The following NCOA2 variants were observed in gnomAD, a reference collection of about 807,000 sequenced individuals.
The protein encoded by NCOA2 is class E basic helix-loop-helix protein 75.
NCOA2 carries 21 observed loss-of-function variants against 145.1 expected under a neutral mutation model. That is an observed-to-expected ratio of 0.14 (90% confidence interval 0.10 to 0.21). NCOA2 has a LOEUF of 0.21. Ranked by LOEUF, NCOA2 falls within the 10% of genes least tolerant of loss-of-function variation. The probability of loss-of-function intolerance (pLI) is 1.00; values close to 1 mark genes in which losing one functional copy is unlikely to be tolerated. For synonymous variants in NCOA2, 619 were observed against 637.5 expected, an observed-to-expected ratio of 0.97 and a Z score of 0.44; for missense variants, 1,472 against 1,837.6, an observed-to-expected ratio of 0.80 and a Z score of 3.64.
intron 4 of NCOA2, among the ~76,000 whole-genome samples, chr8:70,196,884 A>G (rs1208328264): frequency 1.3e-5 from 2 of 152,208 alleles, no homozygotes; most frequent in African/African-American, 4.8e-5. Context: ...TTTGGGTTCT[A>G]GTTTGTCACT....
At chr8:70,137,130 T>G (rs867679635) in intron 15 of NCOA2, among the ~76,000 whole-genome samples, 1 of 152,278 alleles carries the variant, frequency 6.6e-6, no homozygotes, top group African/African-American at 2.4e-5. Context: ...ACCTCTGCCT[T>G]CCGGGTTCAA....
At chr8:70,272,160 T>C (rs752209243) in intron 2 of NCOA2, among the ~76,000 whole-genome samples, 35 of 152,244 alleles carry the variant, frequency 2.3e-4, no homozygotes, top group Admixed American at 8.5e-4. Flanking sequence ...TGGCAGAAAC[T>C]GTGGGATCCT....
At chr8:70,323,314 C>T (rs1806249625) in intron 1 of NCOA2, among the ~76,000 whole-genome samples, 1 of 152,068 alleles carries the variant, frequency 6.6e-6, no homozygotes, top group South Asian at 2.1e-4. Context: ...TAATGGCTAG[C>T]TAAAGTTGAT....
Position 70,204,197 on chromosome 8 carries a change from G to T in NCOA2, c.259+9706C>A, listed in dbSNP as rs546345390. ...TAATTTTTGTATTTTTAGTAGAGAC[G>T]GGGTTTCACCATGTTGGCCAGGATA... On this transcript the variant is annotated intron_variant, in intron 4 of 22. Transcript: ENST00000452400. Among the ~76,000 whole-genome samples the T allele has an allele frequency of 2.3e-3, 350 of 152,066 alleles. 3 individuals are homozygous for T. The highest frequency in any genetic ancestry group is 8.0e-3 in the African/African-American group (332 of 41,466).
At chr8:70,337,484 T>C (rs1418978979) in intron 1 of NCOA2, among the ~76,000 whole-genome samples, 2 of 152,172 alleles carry the variant, frequency 1.3e-5, no homozygotes, top group African/African-American at 4.8e-5. Flanking sequence ...CTATACATAA[T>C]AGCTGTGGGA....
chr8:70,232,229 C>T (rs1219955662), intron 2 of NCOA2, among the ~76,000 whole-genome samples: 2 of 152,146 alleles, frequency 1.3e-5, no homozygotes, highest in Non-Finnish European at 2.9e-5. Flanking sequence ...AGCCACCTCC[C>T]CACCTGCAGC....
At chr8:70,259,843 A>G (rs1210641641) in intron 2 of NCOA2, among the ~76,000 whole-genome samples, 1 of 152,258 alleles carries the variant, frequency 6.6e-6, no homozygotes, top group African/African-American at 2.4e-5. Flanking sequence ...CGCACATAAA[A>G]GTCTTATAAC....
chr8:70,209,231 T>A (rs1276770198), intron 4 of NCOA2, among the ~76,000 whole-genome samples: 1 of 152,264 alleles, frequency 6.6e-6, no homozygotes, highest in African/African-American at 2.4e-5. Context: ...AAGTCCAAGA[T>A]GTGACTGAAT....
intron 1 of NCOA2, among the ~76,000 whole-genome samples, chr8:70,326,326 T>C (rs1034774744): frequency 6.6e-6 from 1 of 152,102 alleles, no homozygotes; most frequent in Admixed American, 6.6e-5. Context: ...CCCATATACA[T>C]GTGAAAGGAT....
At chr8:70,242,308 T>C (rs1822206310) in intron 2 of NCOA2, among the ~76,000 whole-genome samples, 2 of 152,160 alleles carry the variant, frequency 1.3e-5, no homozygotes, top group Non-Finnish European at 2.9e-5. Flanking sequence ...GTGTTTCTTA[T>C]AAAATCTTTA....
chr8:70,211,738 C>A (rs1819051274), intron 4 of NCOA2, among the ~76,000 whole-genome samples: 1 of 152,140 alleles, frequency 6.6e-6, no homozygotes, highest in African/African-American at 2.4e-5. Flanking sequence ...AATTATTAAA[C>A]AAAGACTATT....
intron 4 of NCOA2, among the ~76,000 whole-genome samples, chr8:70,179,917 T>A (rs1180001704): frequency 2.0e-5 from 3 of 152,146 alleles, no homozygotes; most frequent in African/African-American, 7.2e-5. Flanking sequence ...GCTTTTACCA[T>A]TAAAGTTATT....
intron 2 of NCOA2, among the ~76,000 whole-genome samples, chr8:70,226,175 T>C (rs1820618402): frequency 6.6e-6 from 1 of 152,174 alleles, no homozygotes; most frequent in African/African-American, 2.4e-5. Flanking sequence ...CAATGGGCAT[T>C]ACGGATGTAA....
intron 1 of NCOA2, among the ~76,000 whole-genome samples, chr8:70,357,752 G>A (rs563385126): frequency 1.9e-4 from 29 of 150,374 alleles, no homozygotes; most frequent in Non-Finnish European, 4.0e-4. Flanking sequence ...CAAAAAAAAA[G>A]CGCGGTGGGG....
chr8:70,400,244 C>T (rs190160834), intron 1 of NCOA2, among the ~76,000 whole-genome samples: 32 of 152,310 alleles, frequency 2.1e-4, no homozygotes, highest in Admixed American at 5.2e-4. Flanking sequence ...CTTCAGTATA[C>T]TGACATCTAA....
chr8:70,209,087 A>G (rs1818758615), intron 4 of NCOA2, among the ~76,000 whole-genome samples: 1 of 152,242 alleles, frequency 6.6e-6, no homozygotes, highest in Admixed American at 6.5e-5. Flanking sequence ...GAGGAGGTCA[A>G]AATATCAACA....
intron 2 of NCOA2, among the ~76,000 whole-genome samples, chr8:70,288,757 AGATAC>A (rs1156782802): frequency 6.6e-6 from 1 of 152,234 alleles, no homozygotes; most frequent in African/African-American, 2.4e-5. Context: ...TATTTCCAAA[AGATAC>A]TTTAAAGAGG....
chr8:70,304,329 C>T (rs1023722139), intron 1 of NCOA2, among the ~76,000 whole-genome samples: 2 of 152,198 alleles, frequency 1.3e-5, no homozygotes, highest in African/African-American at 4.8e-5. Flanking sequence ...ACATGCTACA[C>T]AGGTTTGTAG....
chr8:70,300,374 C>T (rs1827395799), intron 1 of NCOA2, among the ~76,000 whole-genome samples: 1 of 152,182 alleles, frequency 6.6e-6, no homozygotes, highest in Admixed American at 6.5e-5. Context: ...TTCACAAATG[C>T]ACCTGTGTGT....
Sources: allele counts gnomAD v4.1 joint callset (sites outside exome capture counted in the v4.1 genomes callset), GRCh38; gene constraint gnomAD v4.1.1; transcripts MANE v1.5; gene names NCBI Gene and HGNC (gene_info 2026-07-23, HGNC 2026-07-21).